The following GRID2IP variants were observed in gnomAD, a reference collection of about 807,000 sequenced individuals.
GRID2IP encodes the protein Grid2 interacting protein, also known as delphilin.
A neutral mutation model predicts 114.3 loss-of-function variants in GRID2IP; 78 were observed. The observed-to-expected ratio is 0.68, with a 90% CI of 0.57 to 0.82. GRID2IP has a LOEUF of 0.82. Among genes scored for constraint, GRID2IP ranks in the 40% least tolerant of loss-of-function variants. GRID2IP has a pLI of 0.00. For missense variants in GRID2IP, 1,727 were observed against 1,678.5 expected (o/e 1.03, Z -0.51); for synonymous variants, 809 against 724.0 (o/e 1.12, Z -1.89).
rs901749591 is a variant in GRID2IP at position 6,519,939 on chromosome 7, C to T, written c.1268+639G>A. Reference sequence around the variant, plus strand: ...CTACCCCGAAGGGCCTAGCCCATGACAAGTGCCCACAGGTGGGGCTCTGGT... The same window carrying T: ...CTACCCCGAAGGGCCTAGCCCATGATAAGTGCCCACAGGTGGGGCTCTGGT... On this transcript the variant is annotated intron_variant, in intron 7 of 21. Transcript: ENST00000457091. The surrounding 1 kb of genome is among the most constrained non-coding windows in gnomAD (Gnocchi z 4.1). Among the ~76,000 whole-genome samples, 34 of 152,138 alleles carry T rather than the reference C, an allele frequency of 2.2e-4. No homozygotes were observed. The highest frequency in any genetic ancestry group is 2.2e-3 in the Admixed American group (33 of 15,258).
chr7:6,522,588 G>A (rs1779432527), intron 4 of GRID2IP, among the ~76,000 whole-genome samples: 1 of 151,942 alleles, frequency 6.6e-6, no homozygotes, highest in Non-Finnish European at 1.5e-5. Flanking sequence ...CTAGGCTCAA[G>A]CAGTCTTCCC....
chr7:6,536,575 GGCCTCCAGCCGAGCCCGGCT>G lies in GRID2IP; in HGVS notation c.584+3123_584+3142del, dbSNP rs1252182901. ...CGCTGTGGGAGAGGAGAACCGAGAG[GGCCTCCAGCCGAGCCCGGCT>G]GCCAGCAGCCGGGAGACGAGCGAGC... On this transcript the variant is annotated intron_variant, in intron 2 of 21. Transcript: ENST00000457091. The surrounding 1 kb of genome is among the most constrained non-coding windows in gnomAD (Gnocchi z 5.3). Among the ~76,000 whole-genome samples, 3 of 151,930 alleles carry G rather than the reference GGCCTCCAGCCGAGCCCGGCT, an allele frequency of 2.0e-5. No individual in the cohort carries two copies. The highest frequency in any genetic ancestry group is 2.1e-4 in the South Asian group (1 of 4,824).
At chr7:6,529,102 A>C (rs543137813) in intron 2 of GRID2IP, among the ~76,000 whole-genome samples, 43 of 152,278 alleles carry the variant, frequency 2.8e-4, no homozygotes, top group African/African-American at 9.9e-4. Context: ...CCTTGAGTCC[A>C]ACCTGGGCAG....
intron 18 of GRID2IP, among the ~76,000 whole-genome samples, chr7:6,502,581 A>C (rs916678834): frequency 6.6e-6 from 1 of 151,782 alleles, no homozygotes; most frequent in Non-Finnish European, 1.5e-5. Context: ...AGATCCTGGG[A>C]GTGTGTTCCC....
In GRID2IP at chr7:6,514,454, G is replaced by C; in HGVS notation, c.1344C>G (p.Ile448Met). The C allele has an allele frequency of 1.3e-6, 2 of 1,550,264 alleles. No individual in the cohort carries two copies. Among genetic ancestry groups the C allele is most frequent in the South Asian group, 2.4e-5 (2 of 83,962 alleles). ...GCTCCTCATAGGTCAGCAGCTGGTA[G>C]ATGAACTGCCACAGGACCTGCTTGG... ...TPAKQVLWQF[I>M]YQLLTYEEQE... The change falls in exon 8 of 22, where the codon ATC (isoleucine) becomes ATG (methionine). Residue 448 changes from isoleucine to methionine, a missense_variant. Physicochemically the swap from Ile to Met is conservative, Grantham distance 10. Coordinates refer to ENST00000457091, the MANE Select transcript of GRID2IP (RefSeq NM_001145118.2).
chr7:6,521,134 C>A lies in GRID2IP; in HGVS notation c.1084+295G>T, dbSNP rs374984248. 4.6e-5 allele frequency among the ~76,000 whole-genome samples: 7 copies of A among 152,260 alleles called. No homozygotes were observed. In the East Asian group the frequency reaches 1.4e-3, roughly 29 times the overall value. ...TACAGGCACGTGCCATCACGCCCAG[C>A]TAGTTTTTGTATTTTTAGTAGAGAC... On this transcript the variant is annotated intron_variant, in intron 6 of 21. Coordinates refer to ENST00000457091, the MANE Select transcript of GRID2IP (RefSeq NM_001145118.2). The surrounding 1 kb of genome is among the most constrained non-coding windows in gnomAD (Gnocchi z 4.1).
rs1779264290 is a variant in GRID2IP, at chr7:6,514,941, G to A, written c.1269-412C>T. Among the ~76,000 whole-genome samples, 3 of 143,422 alleles carry A rather than the reference G, an allele frequency of 2.1e-5. No individual in the cohort carries two copies. In the Admixed American group the frequency reaches 2.1e-4, roughly 10 times the overall value. 94.1% of individuals were successfully genotyped at this position (143,422 alleles called of 152,430 possible). A position where few individuals can be genotyped will look rare whatever the true frequency, so the allele number is the denominator to read the frequency against. On this transcript the variant is annotated intron_variant, in intron 7 of 21. Transcript: ENST00000457091. ...CACTCCAGCCTGGGAGACAGAGTGA[G>A]ACTCCAACTCAAAAAAAAAAAAAAA...
Position 6,526,147 on chromosome 7 carries a change from C to T in GRID2IP, c.919+77G>A. ...CAGGAGCCTACATGGGGTACAATGA[C>T]CCGGCAGAGCCACCACGGGGCCCTT... On this transcript the variant is annotated intron_variant, in intron 4 of 21. Transcript: ENST00000457091. This position sits in a 1 kb window ranked among gnomAD's most constrained non-coding sequence, Gnocchi z 7.6. The T allele has an allele frequency of 8.6e-7, 1 of 1,165,002 alleles. No homozygotes were observed. The highest frequency in any genetic ancestry group is 1.3e-6 in the Non-Finnish European group (1 of 797,754). 72.2% of individuals were successfully genotyped at this position (1,165,002 alleles called of 1,614,324 possible). A position where few individuals can be genotyped will look rare whatever the true frequency, so the allele number is the denominator to read the frequency against.
rs1423756351 is a variant in GRID2IP at position 6,551,380 on chromosome 7, G to C, written c.57C>G (p.Phe19Leu). The C allele has an allele frequency of 1.3e-6, 2 of 1,547,878 alleles. No individual in the cohort carries two copies. Among genetic ancestry groups the C allele is most frequent in the Non-Finnish European group, 1.7e-6 (2 of 1,145,854 alleles). Residue 19 changes from phenylalanine to leucine, a missense_variant, in exon 1 of 22, where the codon TTC (phenylalanine) becomes TTG (leucine). Coordinates refer to ENST00000457091, the MANE Select transcript of GRID2IP (RefSeq NM_001145118.2). ...TNQGWPEDFG[F>L]RLGGSGPCFV... ...AGCAGGGGCCAGAGCCACCTAGCCG[G>C]AAGCCAAAGTCCTCTGGCCAGCCCT...
chr7:6,516,803 C>T lies in GRID2IP; in HGVS notation c.1269-2274G>A, dbSNP rs543709401. On this transcript the variant is annotated intron_variant, in intron 7 of 21. Coordinates refer to ENST00000457091, the MANE Select transcript of GRID2IP (RefSeq NM_001145118.2). The surrounding 1 kb of genome is among the most constrained non-coding windows in gnomAD (Gnocchi z 4.3). Reference sequence around the variant, plus strand: ...TTAAAATGCATAGAAGAAATAATTACGTAAGCTGTCCCCTCTTTCTCTCCG... The same window carrying T: ...TTAAAATGCATAGAAGAAATAATTATGTAAGCTGTCCCCTCTTTCTCTCCG... 2.4e-4 allele frequency among the ~76,000 whole-genome samples: 36 copies of T among 152,260 alleles called. No homozygotes were observed. Among genetic ancestry groups the T allele is most frequent in the East Asian group, 2.3e-3 (12 of 5,184 alleles).
chr7:6,520,722 A>G lies in GRID2IP; in HGVS notation c.1124T>C (p.Leu375Pro), dbSNP rs1779395692. ...CTCCGCCACCCACTGCAGGGAGGTG[A>G]GCGCCGACGACGGGTTGGGTGAGTC... ...SLDSPNPSSA[L>P]TSLQWVAEIL... Residue 375 changes from leucine to proline, a missense_variant, in exon 7 of 22, where the codon CTC becomes CCC. Coordinates refer to ENST00000457091, the MANE Select transcript of GRID2IP (RefSeq NM_001145118.2). The surrounding 1 kb of genome is among the most constrained non-coding windows in gnomAD (Gnocchi z 4.6). The G allele has an allele frequency of 6.4e-7, 1 of 1,551,520 alleles. No homozygotes were observed. Among genetic ancestry groups the G allele is most frequent in the Admixed American group, 2.0e-5 (1 of 50,976 alleles).
intron 2 of GRID2IP, among the ~76,000 whole-genome samples, chr7:6,538,297 T>C (rs1248271011): frequency 6.6e-6 from 1 of 152,102 alleles, no homozygotes; most frequent in Non-Finnish European, 1.5e-5. Flanking sequence ...GCCCAGGAGT[T>C]GGAGGCTGCA....
At position 6,514,427 on chromosome 7, in the gene GRID2IP, C is replaced by T; in HGVS notation, c.1371G>A (p.Gln457=). The change falls in exon 8 of 22, where the codon CAG becomes CAA. Residue 457 remains glutamine, a synonymous_variant. Transcript: ENST00000457091. ...FIYQLLTYEE[Q]ELCQEKIACF... ...ATGCGATTTTCTCCTGACAGAGCTC[C>T]TGCTCCTCATAGGTCAGCAGCTGGT... 1 of 1,548,948 alleles carries T rather than the reference C, an allele frequency of 6.5e-7. No homozygotes were observed.
In GRID2IP at chr7:6,510,960, G is replaced by A. The variant is rs1257005182; in HGVS notation, c.1503C>T (p.Ser501=). Residue 501 remains serine (S), a synonymous_variant, in exon 9 of 22, where the codon TCC becomes TCT. Transcript: ENST00000457091. ...GGGACCGGAGGCTGCGGCGGCACAT[G>A]GAGGAAGCCCGCAGGGAGCTCCGCG... ...PQPRSSLRAS[S]MCRRSLRSQG... 6.5e-7 allele frequency: 1 copy of A among 1,547,998 alleles called. No homozygotes were observed. The highest frequency in any genetic ancestry group is 8.7e-7 in the Non-Finnish European group (1 of 1,145,214).
chr7:6,515,567 C>T (rs1041113674), intron 7 of GRID2IP, among the ~76,000 whole-genome samples: 10 of 151,690 alleles, frequency 6.6e-5, no homozygotes, highest in African/African-American at 2.2e-4. Context: ...CATCTGAGGT[C>T]GGGAGCTCAA....
intron 1 of GRID2IP, among the ~76,000 whole-genome samples, chr7:6,544,630 T>C (rs1779859974): frequency 6.6e-6 from 1 of 152,094 alleles, no homozygotes; most frequent in African/African-American, 2.4e-5. Flanking sequence ...CTTATATAAA[T>C]GTTCAAGTCT....
rs2115361043 is a variant in GRID2IP at position 6,507,803 on chromosome 7, G to C, written c.2544+182C>G. Reference sequence around the variant, plus strand: ...GTCTTTGGCTGAGGGACACAGATTGGCTTCAATGCCTGCAGTGGCCCCCAA... The same window carrying C: ...GTCTTTGGCTGAGGGACACAGATTGCCTTCAATGCCTGCAGTGGCCCCCAA... On this transcript the variant is annotated intron_variant, in intron 13 of 21. Coordinates refer to ENST00000457091, the MANE Select transcript of GRID2IP (RefSeq NM_001145118.2). This position sits in a 1 kb window ranked among gnomAD's most constrained non-coding sequence, Gnocchi z 5.3. Among the ~76,000 whole-genome samples, 1 of 152,298 alleles carries C rather than the reference G, an allele frequency of 6.6e-6. No homozygotes were observed.
At chr7:6,535,499 G>A (rs149304507) in intron 2 of GRID2IP, among the ~76,000 whole-genome samples, 7 of 152,176 alleles carry the variant, frequency 4.6e-5, no homozygotes, top group African/African-American at 1.7e-4. Context: ...TGGCCTCCTT[G>A]CAGATCTCTG....
chr7:6,544,527 G>A (rs1015254666), intron 1 of GRID2IP, among the ~76,000 whole-genome samples: 4 of 151,718 alleles, frequency 2.6e-5, no homozygotes, highest in South Asian at 4.2e-4. Flanking sequence ...TGATCCACCC[G>A]CCTCAGCCTC....
Sources: allele counts gnomAD v4.1 joint callset (sites outside exome capture counted in the v4.1 genomes callset), GRCh38; gene constraint gnomAD v4.1.1; non-coding constraint Gnocchi (gnomAD v3.1); transcripts MANE v1.5; gene names NCBI Gene and HGNC (gene_info 2026-07-23, HGNC 2026-07-21).